KLF8: variants seen among roughly 807,000 people sequenced by gnomAD.
The protein encoded by KLF8 is KLF transcription factor 8.
A neutral mutation model predicts 18.2 loss-of-function variants in KLF8; 10 were observed. That is an observed-to-expected ratio of 0.55 (90% confidence interval 0.34 to 0.93). The LOEUF (loss-of-function observed/expected upper bound fraction) is 0.93. KLF8 is among the 40% of genes least tolerant of loss of function. KLF8 has a pLI of 0.02. For synonymous variants in KLF8, 109 were observed against 97.3 expected (o/e 1.12, Z -0.71); for missense variants, 264 against 277.9 (o/e 0.95, Z 0.36).
At chrX:55,959,686 G>A in the KLF8 span, among the ~76,000 whole-genome samples, 1 of 111,570 alleles carries the variant, frequency 9.0e-6, no homozygotes, top group Non-Finnish European at 1.9e-5. Flanking sequence ...AATCAATGCA[G>A]TCAGAATAAA....
At chrX:56,211,403 G>A in the KLF8 span, among the ~76,000 whole-genome samples, 5 of 112,550 alleles carry the variant, frequency 4.4e-5, no homozygotes, top group Admixed American at 1.9e-4. Flanking sequence ...TCTCTTCTGA[G>A]CCATCTAAAG....
At chrX:55,924,514 TG>T in the KLF8 span, among the ~76,000 whole-genome samples, 1 of 112,218 alleles carries the variant, frequency 8.9e-6, no homozygotes, top group Non-Finnish European at 1.9e-5. Context: ...CTTGGATTTT[TG>T]TTTGTTATTG....
chrX:55,948,999 C>T, the KLF8 span, among the ~76,000 whole-genome samples: 1 of 111,507 alleles, frequency 9.0e-6, no homozygotes, highest in African/African-American at 3.2e-5. Context: ...TTAGACAGTT[C>T]CCTTTTTTCA....
At chrX:56,213,597 A>G in the KLF8 span, among the ~76,000 whole-genome samples, 1 of 110,357 alleles carries the variant, frequency 9.1e-6, no homozygotes, top group Admixed American at 9.7e-5. Context: ...TGCTGGGATA[A>G]CAGGCATGAG....
chrX:56,154,982 CA>C, the KLF8 span, among the ~76,000 whole-genome samples: 1 of 111,767 alleles, frequency 8.9e-6, no homozygotes, highest in Non-Finnish European at 1.9e-5. Flanking sequence ...TGTGGAGAAA[CA>C]GGAACACTTT....
the KLF8 span, among the ~76,000 whole-genome samples, chrX:56,221,385 T>C: frequency 8.9e-6 from 1 of 111,910 alleles, no homozygotes; most frequent in East Asian, 2.8e-4. Context: ...TTATAATAGT[T>C]CCTTATCCAG....
chrX:55,939,232 C>A, the KLF8 span, among the ~76,000 whole-genome samples: 1 of 111,346 alleles, frequency 9.0e-6, no homozygotes, highest in Non-Finnish European at 1.9e-5. Context: ...CACTCAAAAC[C>A]TCTCAAGTAC....
At chrX:55,945,583 C>G in the KLF8 span, among the ~76,000 whole-genome samples, 1 of 111,111 alleles carries the variant, frequency 9.0e-6, no homozygotes, top group African/African-American at 3.3e-5. Context: ...TGGCACAAGA[C>G]AGGGATGCTC....
the KLF8 span, among the ~76,000 whole-genome samples, chrX:56,077,545 C>G: frequency 8.9e-6 from 1 of 111,963 alleles, no homozygotes; most frequent in East Asian, 2.8e-4. Flanking sequence ...GTTACTGTAG[C>G]CTTGTAGTAT....
At chrX:56,283,473 G>C (rs971368382) in intron 5 of KLF8, among the ~76,000 whole-genome samples, 2 of 109,616 alleles carry the variant, frequency 1.8e-5, no homozygotes, top group Non-Finnish European at 3.8e-5. Context: ...CCGGGTTCAC[G>C]CCATTCTCCT....
chrX:55,954,500 T>C, the KLF8 span, among the ~76,000 whole-genome samples: 1 of 111,866 alleles, frequency 8.9e-6, no homozygotes, highest in Admixed American at 9.5e-5. Flanking sequence ...AGCCACTTTA[T>C]ACTCACCAGG....
chrX:56,108,399 C>T, the KLF8 span, among the ~76,000 whole-genome samples: 2 of 111,648 alleles, frequency 1.8e-5, no homozygotes, highest in African/African-American at 6.5e-5. Context: ...TTTCTGGGTG[C>T]TTTTATTATG....
At chrX:56,251,412 T>C (rs1018539015) in intron 2 of KLF8, among the ~76,000 whole-genome samples, 2 of 112,401 alleles carry the variant, frequency 1.8e-5, no homozygotes, top group Non-Finnish European at 3.8e-5. Flanking sequence ...AATCTTTTTG[T>C]TATAATTTCA....
At chrX:55,936,757 GC>G in the KLF8 span, among the ~76,000 whole-genome samples, 1 of 111,206 alleles carries the variant, frequency 9.0e-6, no homozygotes, top group African/African-American at 3.3e-5. Context: ...AGAGTCCTAC[GC>G]CCATGGATCC....
chrX:56,265,264 C>A lies in KLF8; in HGVS notation c.166C>A (p.Pro56Thr), dbSNP rs780360757. 17 of 1,206,343 alleles carry A rather than the reference C, an allele frequency of 1.4e-5. No homozygotes were observed. In the East Asian group the frequency reaches 2.4e-4, roughly 17 times the overall value. The change falls in exon 3 of 6, where the codon CCC becomes ACC. Residue 56 changes from proline (P) to threonine (T), a missense_variant. Pro to Thr is a conservative substitution (Grantham distance 38). Transcript: ENST00000468660. ...TTCTCCAACACTCCTGGATGCCAACCCCATGGAGAACCCAGCACTGTTTAA... is the reference window on the plus strand; with the variant it reads ...TTCTCCAACACTCCTGGATGCCAACACCATGGAGAACCCAGCACTGTTTAA... Reference protein sequence around the residue: ...MTSPTLLDANPMENPALFNDI... With the variant: ...MTSPTLLDANTMENPALFNDI...
At chrX:55,961,411 G>A in the KLF8 span, 1 of 517,549 alleles carries the variant, frequency 1.9e-6, no homozygotes, top group Non-Finnish European at 3.6e-6. Flanking sequence ...CTACTGGGAT[G>A]ATAATGGAAA....
the KLF8 span, among the ~76,000 whole-genome samples, chrX:55,910,086 C>G: frequency 2.7e-5 from 3 of 112,039 alleles, no homozygotes; most frequent in Non-Finnish European, 3.8e-5. Context: ...CAATGGAATG[C>G]CACAGTTCCC....
chrX:56,103,087 A>G, the KLF8 span, among the ~76,000 whole-genome samples: 1 of 110,439 alleles, frequency 9.1e-6, no homozygotes, highest in East Asian at 2.9e-4. Flanking sequence ...TTTTGGTACC[A>G]GTACCATGCT....
chrX:56,064,288 T>TCTTTTTGC, the KLF8 span, among the ~76,000 whole-genome samples: 2 of 109,572 alleles, frequency 1.8e-5, no homozygotes, highest in Non-Finnish European at 3.8e-5. Flanking sequence ...ATACTTTTTG[T>TCTTTTTGC]CTTTTTGCCT....
Sources: gnomAD v4.1 joint callset for allele counts (sites outside exome capture counted in the v4.1 genomes callset) on GRCh38, gnomAD v4.1.1 for gene constraint, MANE v1.5 for transcripts, NCBI Gene and HGNC (gene_info 2026-07-23, HGNC 2026-07-21) for gene names.